The following AGBL4 variants were observed in gnomAD, a reference collection of about 807,000 sequenced individuals.
The protein encoded by AGBL4 is cytosolic carboxypeptidase 6.
Under a neutral mutation model 66.4 loss-of-function variants are expected in AGBL4, and 58 were observed. The ratio of observed to expected loss-of-function variants is 0.87; its 90% CI spans 0.71 to 1.09. The LOEUF (loss-of-function observed/expected upper bound fraction) is 1.09, where lower values mean the gene tolerates loss of function less well. AGBL4 is among the 50% of genes least tolerant of loss of function. The pLI is 0.00. For synonymous variants in AGBL4, 234 were observed against 222.9 expected, an observed-to-expected ratio of 1.05 and a Z score of -0.44; for missense variants, 579 against 631.0, an observed-to-expected ratio of 0.92 and a Z score of 0.88.
At chr1:49,295,147 A>G (rs897332560) in intron 3 of AGBL4, among the ~76,000 whole-genome samples, 1 of 152,196 alleles carries the variant, frequency 6.6e-6, no homozygotes. Flanking sequence ...CACCTACCCA[A>G]ATCCTATTCA....
chr1:48,742,661 C>A, intron 6 of AGBL4: 1 of 1,608,364 alleles, frequency 6.2e-7, no homozygotes, highest in Non-Finnish European at 8.5e-7. Context: ...ATGACAGGCG[C>A]AGGAGCGGGG....
chr1:49,724,080 G>T (rs1025218911), intron 2 of AGBL4, among the ~76,000 whole-genome samples: 2 of 152,006 alleles, frequency 1.3e-5, no homozygotes, highest in African/African-American at 4.8e-5. Flanking sequence ...CAGTAATAAG[G>T]CATTATTTAG....
At chr1:49,154,270 C>T (rs1460700579) in intron 4 of AGBL4, among the ~76,000 whole-genome samples, 1 of 151,898 alleles carries the variant, frequency 6.6e-6, no homozygotes, top group Non-Finnish European at 1.5e-5. Context: ...GTGTCTTCTC[C>T]TGGAAAACAG....
chr1:49,935,447 T>A (rs538517259), intron 1 of AGBL4, among the ~76,000 whole-genome samples: 100 of 152,288 alleles, frequency 6.6e-4, no homozygotes, highest in African/African-American at 2.3e-3. Flanking sequence ...TCTGCAGACT[T>A]AAATGTCCCT....
At chr1:49,052,731 G>A (rs997206062) in intron 4 of AGBL4, among the ~76,000 whole-genome samples, 3 of 152,134 alleles carry the variant, frequency 2.0e-5, no homozygotes, top group South Asian at 2.1e-4. Context: ...AGGCTGTGAA[G>A]TCACTAGACT....
At position 49,837,964 on chromosome 1, in the gene AGBL4, T is replaced by C. The variant is rs186025858; in HGVS notation, c.157+13432A>G. The stretch of plus-strand genomic sequence containing the variant: ...GAAGATCCAACCCCACCATTTATAG[T>C]AACCCCAGGGAATCAATGAGAAAGG... On this transcript the variant is annotated intron_variant, in intron 2 of 13. Coordinates refer to ENST00000371839, the MANE Select transcript of AGBL4 (RefSeq NM_032785.4). Among the ~76,000 whole-genome samples the C allele has an allele frequency of 1.2e-3, 187 of 152,302 alleles. 2 individuals are homozygous for C. The highest frequency in any genetic ancestry group is 4.4e-3 in the African/African-American group (181 of 41,566).
intron 3 of AGBL4, among the ~76,000 whole-genome samples, chr1:49,564,570 T>C (rs1644142079): frequency 6.6e-6 from 1 of 152,222 alleles, no homozygotes; most frequent in East Asian, 1.9e-4. Flanking sequence ...ATGTACCCAG[T>C]AGTCATTCAG....
intron 3 of AGBL4, among the ~76,000 whole-genome samples, chr1:49,535,985 C>A (rs1367946744): frequency 6.6e-6 from 1 of 152,136 alleles, no homozygotes; most frequent in Non-Finnish European, 1.5e-5. Context: ...GCCACCGTGC[C>A]CCAGTGAAAT....
At chr1:49,112,865 A>G (rs1481061462) in intron 4 of AGBL4, among the ~76,000 whole-genome samples, 1 of 152,116 alleles carries the variant, frequency 6.6e-6, no homozygotes, top group African/African-American at 2.4e-5. Context: ...CCTCATAGCT[A>G]TTCATAAGAA....
chr1:49,697,549 T>C (rs1298401684), intron 2 of AGBL4, 112 bp from the exon 3 acceptor site: 1 of 897,434 alleles, frequency 1.1e-6, no homozygotes, highest in Non-Finnish European at 1.6e-6. Flanking sequence ...CATTCAGTAC[T>C]TGAAGGTTCA....
intron 3 of AGBL4, among the ~76,000 whole-genome samples, chr1:49,282,597 CCATCTG>C (rs1190056730): frequency 6.6e-6 from 1 of 152,206 alleles, no homozygotes; most frequent in Admixed American, 6.5e-5. Context: ...TTCTGCATTT[CCATCTG>C]AGGTATCGGG....
chr1:50,008,469 G>T (rs1297206189), intron 1 of AGBL4, among the ~76,000 whole-genome samples: 1 of 151,912 alleles, frequency 6.6e-6, no homozygotes, highest in Non-Finnish European at 1.5e-5. Context: ...TAAAACAAAT[G>T]ATAACAAAAA....
intron 2 of AGBL4, among the ~76,000 whole-genome samples, chr1:49,709,180 C>G (rs968648562): frequency 3.9e-5 from 6 of 152,220 alleles, no homozygotes; most frequent in Non-Finnish European, 7.3e-5. Context: ...TCCAGGACCT[C>G]TGTCCCAGAA....
intron 7 of AGBL4, among the ~76,000 whole-genome samples, chr1:48,655,521 C>T (rs944657383): frequency 6.6e-6 from 1 of 152,172 alleles, no homozygotes; most frequent in Non-Finnish European, 1.5e-5. Context: ...TACTGACTAG[C>T]TTTCCCTGAC....
At chr1:48,988,317 TA>T (rs762458299) in intron 5 of AGBL4, among the ~76,000 whole-genome samples, 10 of 152,144 alleles carry the variant, frequency 6.6e-5, no homozygotes, top group South Asian at 4.1e-4. Context: ...CTTCACTGAA[TA>T]GGGGGGGCTT....
At chr1:48,611,745 T>C (rs1645242127) in intron 9 of AGBL4, among the ~76,000 whole-genome samples, 1 of 152,204 alleles carries the variant, frequency 6.6e-6, no homozygotes. Context: ...TAAATCTATG[T>C]GACTGCAAAG....
intron 5 of AGBL4, among the ~76,000 whole-genome samples, chr1:49,021,430 G>A (rs1663240884): frequency 6.6e-6 from 1 of 152,132 alleles, no homozygotes; most frequent in Admixed American, 6.5e-5. Flanking sequence ...TGGAGGTAGA[G>A]TCTTTGGGAG....
intron 3 of AGBL4, among the ~76,000 whole-genome samples, chr1:49,529,258 G>C (rs868609620): frequency 6.6e-6 from 1 of 152,098 alleles, no homozygotes; most frequent in Non-Finnish European, 1.5e-5. Flanking sequence ...ATAATCTGTG[G>C]TACTTGGATA....
chr1:49,097,830 C>G (rs1010396809), intron 4 of AGBL4, among the ~76,000 whole-genome samples: 1 of 152,246 alleles, frequency 6.6e-6, no homozygotes, highest in Non-Finnish European at 1.5e-5. Context: ...ATCTGCCCAC[C>G]ATGGCCTCCC....
Sources: allele counts gnomAD v4.1 joint callset (sites outside exome capture counted in the v4.1 genomes callset), GRCh38; gene constraint gnomAD v4.1.1; transcripts MANE v1.5; gene names NCBI Gene and HGNC (gene_info 2026-07-23, HGNC 2026-07-21).